Variants in EIPR1 observed in about 807,000 individuals in gnomAD.
The protein encoded by EIPR1 is EARP complex and GARP complex interacting protein 1.
EIPR1 carries 25 observed loss-of-function variants against 48.1 expected under a neutral mutation model. That is an observed-to-expected ratio of 0.52 (90% CI 0.38 to 0.73). The LOEUF (loss-of-function observed/expected upper bound fraction) is 0.73. EIPR1 is among the 30% of genes least tolerant of loss of function. The probability of loss-of-function intolerance (pLI) is 0.00; values close to 1 mark genes in which losing one functional copy is unlikely to be tolerated. For synonymous variants in EIPR1, 204 were observed against 201.9 expected, an observed-to-expected ratio of 1.01 and a Z score of -0.09; for missense variants, 415 against 506.2, an observed-to-expected ratio of 0.82 and a Z score of 1.73.
chr2:3,339,228 A>G (rs1413274129), intron 2 of EIPR1, among the ~76,000 whole-genome samples: 1 of 152,180 alleles, frequency 6.6e-6, no homozygotes, highest in Non-Finnish European at 1.5e-5. Flanking sequence ...TAGGTACCTG[A>G]GTGGTGTCTG....
chr2:3,351,159 C>T (rs1404229117), intron 2 of EIPR1, among the ~76,000 whole-genome samples: 2 of 152,020 alleles, frequency 1.3e-5, no homozygotes, highest in Non-Finnish European at 2.9e-5. Context: ...TGCCACCACA[C>T]CCAGCTAATT....
intron 7 of EIPR1, among the ~76,000 whole-genome samples, chr2:3,193,078 C>T (rs1664665961): frequency 2.0e-5 from 3 of 152,282 alleles, no homozygotes; most frequent in East Asian, 1.9e-4. Context: ...AGCCTGGGAG[C>T]TTCTGCCTCC....
Position 3,286,089 on chromosome 2 carries a change from T to A in EIPR1, c.260-28634A>T, listed in dbSNP as rs531396558. On this transcript the variant is annotated intron_variant, in intron 3 of 8. Transcript: ENST00000382125. This position sits in a 1 kb window ranked among gnomAD's most constrained non-coding sequence, Gnocchi z 4.2. ...CAATGCCAGCTGCAGCCACTGGGAG[T>A]GAACAAACCTTCCCAGGACTCCAGC... 2.0e-5 allele frequency among the ~76,000 whole-genome samples: 3 copies of A among 151,996 alleles called. No individual in the cohort carries two copies. The highest frequency in any genetic ancestry group is 7.2e-5 in the African/African-American group (3 of 41,452).
At chr2:3,264,140 C>G (rs1315468410) in intron 3 of EIPR1, among the ~76,000 whole-genome samples, 1 of 152,150 alleles carries the variant, frequency 6.6e-6, no homozygotes, top group Non-Finnish European at 1.5e-5. Context: ...CAACATCTCC[C>G]TTTTCCCCAT....
chr2:3,240,784 T>TCCCTCCTAAAGCAAAGCCAGCAGAC lies in EIPR1; in HGVS notation c.416+16490_416+16514dup, dbSNP rs1666590249. On this transcript the variant is annotated intron_variant, in intron 4 of 8. Coordinates refer to ENST00000382125, the MANE Select transcript of EIPR1 (RefSeq NM_003310.5). ...TCCCTCCTAAAGCAAAGCCAGCAGA[T>TCCCTCCTAAAGCAAAGCCAGCAGAC]CCCTCCTAAAGCAAAGCCAGCAGAC... 1.4e-5 allele frequency among the ~76,000 whole-genome samples: 2 copies of TCCCTCCTAAAGCAAAGCCAGCAGAC among 143,884 alleles called. 1 individual carries two copies. Among genetic ancestry groups the TCCCTCCTAAAGCAAAGCCAGCAGAC allele is most frequent in the Non-Finnish European group, 3.0e-5 (2 of 66,012 alleles). The allele number at this position is 143,884 out of a possible 152,430, so 94.4% of individuals were successfully genotyped here. A position where few individuals can be genotyped will look rare whatever the true frequency, so the allele number is the denominator to read the frequency against.
rs1669921057 is a variant in EIPR1 at position 3,332,219 on chromosome 2, T to C, written c.259+5798A>G. Among the ~76,000 whole-genome samples the C allele has an allele frequency of 6.6e-5, 10 of 152,350 alleles. 1 individual carries two copies. In the South Asian group the frequency reaches 2.1e-3, roughly 32 times the overall value. The stretch of plus-strand genomic sequence containing the variant: ...TCTGAAACATACGCTTTTTTCTCAA[T>C]GAACCTTAAGAAAACCGTGGGTGAA... On this transcript the variant is annotated intron_variant, in intron 3 of 8. Transcript: ENST00000382125.
Position 3,194,025 on chromosome 2 carries a change from C to G in EIPR1, c.795G>C (p.Val265=), listed in dbSNP as rs1664704475. 27 of 1,613,724 alleles carry G rather than the reference C, an allele frequency of 1.7e-5. No individual in the cohort carries two copies. Among genetic ancestry groups the G allele is most frequent in the Non-Finnish European group, 2.2e-5 (26 of 1,180,020 alleles). The change falls in exon 7 of 9, where the codon GTG becomes GTC. Residue 265 remains valine, a synonymous_variant. Coordinates refer to ENST00000382125, the MANE Select transcript of EIPR1 (RefSeq NM_003310.5). ...FWDTRNVTEP[V]KTLEEHSHWV... ...AGTGGGAGTGCTCCTCCAGGGTCTT[C>G]ACGGGTTCGGTGACATTTCGGGTGT...
chr2:3,311,973 G>A (rs66569841), intron 3 of EIPR1, among the ~76,000 whole-genome samples: 10,817 of 152,160 alleles, frequency 0.071, 423 homozygotes, highest in African/African-American at 0.093. Context: ...TTGGAACAGC[G>A]CACAGAACCA....
At chr2:3,192,097 T>C (rs1664625220) in intron 8 of EIPR1, among the ~76,000 whole-genome samples, 3 of 152,228 alleles carry the variant, frequency 2.0e-5, no homozygotes, top group African/African-American at 7.2e-5. Flanking sequence ...GATATATTCG[T>C]TCTATTATTA....
At chr2:3,317,545 G>C (rs1031207665) in intron 3 of EIPR1, among the ~76,000 whole-genome samples, 6 of 152,240 alleles carry the variant, frequency 3.9e-5, no homozygotes, top group Non-Finnish European at 8.8e-5. Context: ...TGACCTCGCA[G>C]CAGCTGTGAG....
chr2:3,346,732 A>G (rs1307670323), intron 2 of EIPR1, among the ~76,000 whole-genome samples: 1 of 152,212 alleles, frequency 6.6e-6, no homozygotes, highest in Non-Finnish European at 1.5e-5. Context: ...AGGGGGCAGA[A>G]AAGGAAAGAC....
intron 1 of EIPR1, among the ~76,000 whole-genome samples, chr2:3,373,444 G>C (rs1354295392): frequency 6.6e-6 from 1 of 152,134 alleles, no homozygotes. Flanking sequence ...AATTGTCCCT[G>C]TTTGCAGACG....
At chr2:3,293,153 T>C (rs1668420403) in intron 3 of EIPR1, among the ~76,000 whole-genome samples, 1 of 152,238 alleles carries the variant, frequency 6.6e-6, no homozygotes. Flanking sequence ...ATCTATAGCC[T>C]GGTGGCATGG....
intron 8 of EIPR1, among the ~76,000 whole-genome samples, chr2:3,192,117 A>C (rs745598677): frequency 2.2e-4 from 33 of 152,230 alleles, no homozygotes; most frequent in African/African-American, 4.8e-4. Flanking sequence ...ATTCATGCTC[A>C]AGTTTGAAGA....
At chr2:3,252,555 C>T (rs1005579045) in intron 4 of EIPR1, among the ~76,000 whole-genome samples, 2 of 152,206 alleles carry the variant, frequency 1.3e-5, no homozygotes, top group Admixed American at 6.5e-5. Context: ...CATGCCACTG[C>T]ACTCCAGCCT....
At chr2:3,336,522 C>T (rs1403711060) in intron 3 of EIPR1, among the ~76,000 whole-genome samples, 2 of 152,172 alleles carry the variant, frequency 1.3e-5, no homozygotes, top group South Asian at 2.1e-4. Context: ...AATCCTAGCA[C>T]TTTGGGAGGC....
At chr2:3,363,143 G>A (rs186983059) in intron 1 of EIPR1, among the ~76,000 whole-genome samples, 3 of 151,824 alleles carry the variant, frequency 2.0e-5, no homozygotes, top group Admixed American at 6.6e-5. Context: ...TGGGGGCCGG[G>A]CCCAGCTCCA....
At chr2:3,246,050 C>T (rs1666783584) in intron 4 of EIPR1, among the ~76,000 whole-genome samples, 2 of 152,170 alleles carry the variant, frequency 1.3e-5, no homozygotes, top group Admixed American at 1.3e-4. Context: ...CGTGATCACA[C>T]CACTGCACTC....
Position 3,352,257 on chromosome 2 carries a change from A to C in EIPR1, c.126+2293T>G, listed in dbSNP as rs543221657. Among the ~76,000 whole-genome samples, 5 of 146,510 alleles carry C rather than the reference A, an allele frequency of 3.4e-5. No individual in the cohort carries two copies. The South Asian group carries it at 8.9e-4, about 26-fold the overall frequency. ...CTGTCTGTTCCCGACACCTTTGATC[A>C]GCATATCCATGCTACAGAAGCGACC... On this transcript the variant is annotated intron_variant, in intron 2 of 8. Transcript: ENST00000382125.
Sources: allele counts gnomAD v4.1 joint callset (sites outside exome capture counted in the v4.1 genomes callset), GRCh38; gene constraint gnomAD v4.1.1; non-coding constraint Gnocchi (gnomAD v3.1); transcripts MANE v1.5; gene names NCBI Gene and HGNC (gene_info 2026-07-23, HGNC 2026-07-21).